The following EIF5B variants were observed in gnomAD, a reference collection of about 807,000 sequenced individuals.
EIF5B encodes the protein eIF-5B.
EIF5B carries 47 observed loss-of-function variants against 147.5 expected under a neutral mutation model. That is an observed-to-expected ratio of 0.32 (90% CI 0.25 to 0.41). The LOEUF (loss-of-function observed/expected upper bound fraction) is 0.41, where lower values mean the gene tolerates loss of function less well. EIF5B is among the 10% of genes least tolerant of loss of function. EIF5B has a pLI of 1.00. For missense variants in EIF5B, 1,064 were observed against 1,413.2 expected (o/e 0.75, Z 3.96); for synonymous variants, 455 against 456.2 (o/e 1.00, Z 0.03).
At position 99,400,672 on chromosome 2, in the gene EIF5B, G is replaced by A. The variant is rs1675256939; in HGVS notation, c.*1258G>A. The A allele has an allele frequency of 6.6e-6, 1 of 152,170 alleles. No homozygotes were observed. The highest frequency in any genetic ancestry group is 2.1e-4 in the South Asian group (1 of 4,830). 9.4% of individuals were successfully genotyped at this position (152,170 alleles called of 1,614,324 possible). A position where few individuals can be genotyped will look rare whatever the true frequency, so the allele number is the denominator to read the frequency against. On this transcript the variant is annotated 3_prime_UTR_variant, in exon 24 of 24. Transcript: ENST00000289371. ...GAAAAAAATCTTCAAGTGGGTGTGA[G>A]GGTGTTTCTAATTCAAAATATGTAG...
At position 99,399,603 on chromosome 2, in the gene EIF5B, G is replaced by A. The variant is rs144790325; in HGVS notation, c.*189G>A. 6 of 545,880 alleles carry A rather than the reference G, an allele frequency of 1.1e-5. No individual in the cohort carries two copies. Among genetic ancestry groups the A allele is most frequent in the South Asian group, 1.0e-4 (5 of 48,960 alleles). 33.8% of individuals were successfully genotyped at this position (545,880 alleles called of 1,614,324 possible). A position where few individuals can be genotyped will look rare whatever the true frequency, so the allele number is the denominator to read the frequency against. ...ACTTACACTGGTTTGACAGTGGTCAGTTACATGTCCCCACAGTTCCAATGT... is the reference window on the plus strand; with the variant it reads ...ACTTACACTGGTTTGACAGTGGTCAATTACATGTCCCCACAGTTCCAATGT... On this transcript the variant is annotated 3_prime_UTR_variant, in exon 24 of 24. Transcript: ENST00000289371.
At chr2:99,367,280 C>G (rs1365349994) in intron 6 of EIF5B, among the ~76,000 whole-genome samples, 3 of 152,102 alleles carry the variant, frequency 2.0e-5, no homozygotes, top group Non-Finnish European at 4.4e-5. Context: ...TATATAAAGA[C>G]CTCTCAAAAT....
At chr2:99,388,128 C>G (rs1674849842) in intron 14 of EIF5B, among the ~76,000 whole-genome samples, 1 of 152,200 alleles carries the variant, frequency 6.6e-6, no homozygotes. Context: ...CACATTTACA[C>G]TCAGTTTGTA....
chr2:99,380,970 G>C (rs931004242), intron 12 of EIF5B, among the ~76,000 whole-genome samples: 1 of 152,034 alleles, frequency 6.6e-6, no homozygotes, highest in Non-Finnish European at 1.5e-5. Flanking sequence ...ATTTATTCTC[G>C]CATAAAGTAT....
At chr2:99,398,643 T>C in intron 22 of EIF5B, 105 bp from the exon 23 acceptor site, 6 of 1,289,690 alleles carry the variant, frequency 4.7e-6, no homozygotes, top group Non-Finnish European at 6.3e-6. Flanking sequence ...GCCATGACTT[T>C]TAAAACAGGC....
At chr2:99,389,676 C>A (rs375475740) in intron 14 of EIF5B, 42 bp from the exon 15 acceptor site, 10 of 1,564,722 alleles carry the variant, frequency 6.4e-6, no homozygotes, top group South Asian at 1.2e-5. Context: ...CTTGAATGTT[C>A]TGAATTTTTT....
chr2:99,384,066 G>A (rs1164612273), intron 14 of EIF5B, among the ~76,000 whole-genome samples: 3 of 151,168 alleles, frequency 2.0e-5, no homozygotes, highest in Admixed American at 6.6e-5. Flanking sequence ...GCGTAGTGGC[G>A]GGCACCTGTA....
intron 21 of EIF5B, among the ~76,000 whole-genome samples, chr2:99,396,447 C>T (rs1675049264): frequency 6.6e-6 from 1 of 152,208 alleles, no homozygotes; most frequent in Non-Finnish European, 1.5e-5. Flanking sequence ...ACATCTTCAG[C>T]AGCCAAGCTC....
At chr2:99,375,113 C>T (rs551490543) in intron 9 of EIF5B, among the ~76,000 whole-genome samples, 91 of 145,984 alleles carry the variant, frequency 6.2e-4, no homozygotes, top group African/African-American at 2.3e-3. Flanking sequence ...TCTTTTGCTT[C>T]TGACTGAATG....
intron 6 of EIF5B, among the ~76,000 whole-genome samples, chr2:99,366,329 C>T (rs954744592): frequency 1.3e-5 from 2 of 152,178 alleles, no homozygotes; most frequent in Non-Finnish European, 1.5e-5. Flanking sequence ...GGTAATCCAG[C>T]CTACAGTTTC....
chr2:99,371,797 A>G (rs1674456986), intron 9 of EIF5B, 67 bp downstream of exon 9: 3 of 1,396,870 alleles, frequency 2.1e-6, no homozygotes, highest in East Asian at 2.5e-5. Flanking sequence ...ATATATTTAA[A>G]TGAATAGTCT....
chr2:99,339,256 G>A (rs1207222678), intron 1 of EIF5B, among the ~76,000 whole-genome samples: 14 of 151,360 alleles, frequency 9.2e-5, no homozygotes, highest in Non-Finnish European at 1.3e-4. Flanking sequence ...CAGGTGATCC[G>A]CCCGCCTCGG....
intron 1 of EIF5B, among the ~76,000 whole-genome samples, chr2:99,340,366 GA>G (rs1454891855): frequency 6.6e-6 from 1 of 152,206 alleles, no homozygotes; most frequent in African/African-American, 2.4e-5. Context: ...TGTAAAATGA[GA>G]TAGAGATCCG....
rs369257192 is a variant in EIF5B at position 99,400,436 on chromosome 2, GTGTT to G, written c.*1029_*1032del. The stretch of plus-strand genomic sequence containing the variant: ...AGGGTTTTGCTGAAGTCAGTGTGGG[GTGTT>G]TGTTTGAGGAAAAAGTTCCAAATAT... On this transcript the variant is annotated 3_prime_UTR_variant, in exon 24 of 24. Coordinates refer to ENST00000289371, the MANE Select transcript of EIF5B (RefSeq NM_015904.4). 88 of 152,286 alleles carry G rather than the reference GTGTT, an allele frequency of 5.8e-4. 1 individual carries two copies. The East Asian group carries it at 8.9e-3, about 15-fold the overall frequency. 9.4% of individuals were successfully genotyped at this position (152,286 alleles called of 1,614,324 possible).
chr2:99,349,547 A>C (rs1673867037), intron 1 of EIF5B, among the ~76,000 whole-genome samples: 1 of 152,170 alleles, frequency 6.6e-6, no homozygotes, highest in African/African-American at 2.4e-5. Context: ...TATTTGTCTT[A>C]CTTTTTATTT....
At position 99,337,506 on chromosome 2, in the gene EIF5B, G is replaced by C; in HGVS notation, c.-49G>C. 3 of 1,600,918 alleles carry C rather than the reference G, an allele frequency of 1.9e-6. No homozygotes were observed. Among genetic ancestry groups the C allele is most frequent in the South Asian group, 2.2e-5 (2 of 89,276 alleles). ...AAGTCAGCCGGGAGACAGTGGGTCT[G>C]TGAGAGACCGAATAGAGGGGCTGGG... On this transcript the variant is annotated 5_prime_UTR_variant, in exon 1 of 24. Transcript: ENST00000289371.
intron 21 of EIF5B, among the ~76,000 whole-genome samples, chr2:99,396,248 C>G (rs1049057473): frequency 6.6e-6 from 1 of 152,144 alleles, no homozygotes; most frequent in Non-Finnish European, 1.5e-5. Context: ...GCATTTTAAG[C>G]GTGTGCTCAA....
At chr2:99,350,202 T>A (rs1015785549) in intron 1 of EIF5B, among the ~76,000 whole-genome samples, 3 of 152,202 alleles carry the variant, frequency 2.0e-5, no homozygotes, top group Admixed American at 6.5e-5. Flanking sequence ...TGATGGACAT[T>A]TAGGTTGACT....
rs371596671 is a variant in EIF5B, at chr2:99,361,176, C to T, written c.275C>T (p.Thr92Ile). ...KPTENNEEEF[T>I]SKDKKKKGQK... ...ACAGAAAACAATGAAGAGGAATTCA[C>T]CTCAAAAGATAAAAAAAAGAAAGGA... is the stretch of plus-strand genomic sequence containing the variant. The change falls in exon 4 of 24, where the codon ACC becomes ATC. Residue 92 changes from threonine (T) to isoleucine (I), a missense_variant. This residue lies in a region of EIF5B where 458 missense variants were observed against 451.3 expected (regional missense o/e 1.01). Transcript: ENST00000289371. The T allele has an allele frequency of 1.3e-6, 2 of 1,549,898 alleles. No homozygotes were observed. The highest frequency in any genetic ancestry group is 2.3e-5 in the East Asian group (1 of 43,518).
Sources: allele counts gnomAD v4.1 joint callset (sites outside exome capture counted in the v4.1 genomes callset), GRCh38; gene constraint gnomAD v4.1.1; regional missense constraint gnomAD v4.1.1; transcripts MANE v1.5; gene names NCBI Gene and HGNC (gene_info 2026-07-23, HGNC 2026-07-21).